Variants in MACROD2 observed in about 807,000 individuals in gnomAD.
MACROD2 encodes the protein ADP-ribose glycohydrolase MACROD2.
Under a neutral mutation model 70.4 loss-of-function variants are expected in MACROD2, and 36 were observed. The observed-to-expected ratio is 0.51, with a 90% CI of 0.39 to 0.68. The LOEUF (loss-of-function observed/expected upper bound fraction) is 0.68, where lower values mean the gene tolerates loss of function less well. Ranked by LOEUF, MACROD2 falls within the 30% of genes least tolerant of loss-of-function variation. The probability of loss-of-function intolerance (pLI) is 0.00; values close to 1 mark genes in which losing one functional copy is unlikely to be tolerated. For missense variants in MACROD2, 496 were observed against 538.4 expected (o/e 0.92, Z 0.78); for synonymous variants, 172 against 178.8 (o/e 0.96, Z 0.30).
intron 3 of MACROD2, among the ~76,000 whole-genome samples, chr20:14,314,954 A>G (rs1210101353): frequency 6.6e-6 from 1 of 152,160 alleles, no homozygotes; most frequent in Non-Finnish European, 1.5e-5. Flanking sequence ...GCCATATCCC[A>G]AATAAGCAGC....
intron 12 of MACROD2, among the ~76,000 whole-genome samples, chr20:15,967,223 A>G (rs2066153408): frequency 6.6e-6 from 1 of 152,132 alleles, no homozygotes; most frequent in Non-Finnish European, 1.5e-5. Flanking sequence ...TAGTCCTTTA[A>G]TCTTCTTCAT....
intron 5 of MACROD2, among the ~76,000 whole-genome samples, chr20:15,063,672 G>A (rs1372067183): frequency 2.0e-5 from 3 of 152,158 alleles, no homozygotes; most frequent in African/African-American, 7.2e-5. Context: ...TGTTTAGCCA[G>A]CCACACATAT....
intron 5 of MACROD2, among the ~76,000 whole-genome samples, chr20:14,801,146 T>C (rs2122139926): frequency 6.6e-6 from 1 of 152,326 alleles, no homozygotes; most frequent in African/African-American, 2.4e-5. Context: ...GGAAAACTTT[T>C]CCCTAATTGG....
intron 3 of MACROD2, among the ~76,000 whole-genome samples, chr20:14,272,543 C>A (rs1336200873): frequency 6.6e-6 from 1 of 151,808 alleles, no homozygotes; most frequent in Non-Finnish European, 1.5e-5. Context: ...CAAAAACATG[C>A]CAAATTGTAA....
At chr20:14,259,707 G>A (rs2122306287) in intron 3 of MACROD2, among the ~76,000 whole-genome samples, 1 of 151,922 alleles carries the variant, frequency 6.6e-6, no homozygotes, top group East Asian at 1.9e-4. Flanking sequence ...CAAGAAGAAA[G>A]AGAGTTATTT....
At chr20:14,851,422 T>C (rs983511177) in intron 5 of MACROD2, among the ~76,000 whole-genome samples, 45 of 152,334 alleles carry the variant, frequency 3.0e-4, no homozygotes, top group African/African-American at 1.0e-3. Flanking sequence ...AAATTCTATT[T>C]AATCTCCTCT....
chr20:15,377,080 TG>T (rs1274828025), intron 6 of MACROD2, among the ~76,000 whole-genome samples: 21 of 151,926 alleles, frequency 1.4e-4, no homozygotes, highest in Admixed American at 1.4e-3. Flanking sequence ...TTAGTAGAGA[TG>T]GGGTTTCACC....
intron 8 of MACROD2, among the ~76,000 whole-genome samples, chr20:15,820,168 C>G (rs1371335375): frequency 6.6e-6 from 1 of 152,062 alleles, no homozygotes; most frequent in Non-Finnish European, 1.5e-5. Context: ...TCCTCCACCC[C>G]TCTGCCCGTC....
intron 3 of MACROD2, among the ~76,000 whole-genome samples, chr20:14,393,325 C>T (rs915918075): frequency 2.6e-5 from 4 of 152,128 alleles, no homozygotes; most frequent in African/African-American, 9.7e-5. Flanking sequence ...TGTTTGAAGT[C>T]AATAACCTAG....
At chr20:14,984,460 C>T (rs996315437) in intron 5 of MACROD2, among the ~76,000 whole-genome samples, 8 of 152,248 alleles carry the variant, frequency 5.3e-5, no homozygotes, top group Admixed American at 1.3e-4. Flanking sequence ...CCTCTGTGGG[C>T]GGATGCTCCC....
intron 5 of MACROD2, among the ~76,000 whole-genome samples, chr20:15,016,553 A>T (rs936336318): frequency 6.6e-6 from 1 of 152,062 alleles, no homozygotes; most frequent in Non-Finnish European, 1.5e-5. Context: ...TTTTTGCTCT[A>T]TTCCTTCACA....
intron 5 of MACROD2, among the ~76,000 whole-genome samples, chr20:15,219,865 C>A (rs2076842690): frequency 6.6e-6 from 1 of 150,810 alleles, no homozygotes; most frequent in African/African-American, 2.4e-5. Context: ...CAAAACCTAT[C>A]TCTAAAACAA....
rs542580096 is a variant in MACROD2, at chr20:14,729,216, T to C, written c.418+44257T>C. On this transcript the variant is annotated intron_variant, in intron 5 of 17. Coordinates refer to ENST00000684519, the MANE Select transcript of MACROD2 (RefSeq NM_001351661.2). ...TAACAAATTATACAAATATCATAGA[T>C]GATTATAAGTTAAAATACAGATATG... Among the ~76,000 whole-genome samples the C allele has an allele frequency of 2.6e-5, 4 of 152,304 alleles. No individual in the cohort carries two copies. The South Asian group carries it at 8.3e-4, about 32-fold the overall frequency.
At chr20:14,361,925 T>A (rs1280689662) in intron 3 of MACROD2, among the ~76,000 whole-genome samples, 2 of 152,256 alleles carry the variant, frequency 1.3e-5, no homozygotes, top group East Asian at 3.8e-4. Flanking sequence ...TCTTTGTCTG[T>A]GCCCAGCACA....
At chr20:14,370,210 A>G (rs1420261431) in intron 3 of MACROD2, among the ~76,000 whole-genome samples, 3 of 152,158 alleles carry the variant, frequency 2.0e-5, no homozygotes, top group Admixed American at 6.5e-5. Flanking sequence ...ATATTAATGT[A>G]TGAGTTATAA....
At chr20:14,013,358 C>T (rs1490649134) in intron 2 of MACROD2, among the ~76,000 whole-genome samples, 12 of 150,792 alleles carry the variant, frequency 8.0e-5, no homozygotes, top group Admixed American at 5.3e-4. Context: ...CTGCAAGCTC[C>T]GCCTCCCAGG....
chr20:15,449,809 G>A (rs1371281782), intron 7 of MACROD2, among the ~76,000 whole-genome samples: 1 of 151,950 alleles, frequency 6.6e-6, no homozygotes, highest in Non-Finnish European at 1.5e-5. Flanking sequence ...CCTGACCAAC[G>A]TAGTGAAAAC....
At chr20:14,506,847 A>T (rs911242091) in intron 4 of MACROD2, among the ~76,000 whole-genome samples, 1 of 152,174 alleles carries the variant, frequency 6.6e-6, no homozygotes, top group Non-Finnish European at 1.5e-5. Flanking sequence ...GCTACTCGTG[A>T]GGCTGAGGCA....
intron 2 of MACROD2, among the ~76,000 whole-genome samples, chr20:14,061,128 T>C (rs1045284885): frequency 2.0e-5 from 3 of 152,068 alleles, no homozygotes; most frequent in African/African-American, 7.2e-5. Context: ...CTGAAAAGCA[T>C]TGCTAAATAT....
Sources: gnomAD v4.1 joint callset for allele counts (sites outside exome capture counted in the v4.1 genomes callset) on GRCh38, gnomAD v4.1.1 for gene constraint, MANE v1.5 for transcripts, NCBI Gene and HGNC (gene_info 2026-07-23, HGNC 2026-07-21) for gene names.